Variants in ITGA8 observed in about 807,000 individuals in gnomAD.
ITGA8 encodes the protein integrin alpha-8.
ITGA8 carries 91 observed loss-of-function variants against 142.3 expected under a neutral mutation model. That is an observed-to-expected ratio of 0.64 (90% CI 0.54 to 0.76). The LOEUF is 0.76. Among genes scored for constraint, ITGA8 ranks in the 30% least tolerant of loss-of-function variants. The probability of loss-of-function intolerance (pLI) is 0.00; values close to 1 mark genes in which losing one functional copy is unlikely to be tolerated. For missense variants in ITGA8, 1,406 were observed against 1,327.7 expected, an observed-to-expected ratio of 1.06 and a Z score of -0.92; for synonymous variants, 505 against 485.2, an observed-to-expected ratio of 1.04 and a Z score of -0.54.
intron 20 of ITGA8, among the ~76,000 whole-genome samples, chr10:15,602,753 A>G (rs995531575): frequency 3.3e-5 from 5 of 151,820 alleles, no homozygotes; most frequent in Non-Finnish European, 7.4e-5. Flanking sequence ...AAAAAATACA[A>G]GAAAGAAGAA....
intron 6 of ITGA8, among the ~76,000 whole-genome samples, chr10:15,676,309 A>G (rs1834629650): frequency 6.6e-6 from 1 of 152,220 alleles, no homozygotes; most frequent in Non-Finnish European, 1.5e-5. Flanking sequence ...AGCAAGAATT[A>G]GAAGACGTAA....
intron 25 of ITGA8, among the ~76,000 whole-genome samples, chr10:15,565,381 C>A (rs1588647637): frequency 6.7e-6 from 1 of 148,620 alleles, no homozygotes; most frequent in African/African-American, 2.5e-5. Context: ...TTGTTTTGTT[C>A]TGTTTTTTTC....
chr10:15,638,859 G>A (rs1224161909), intron 13 of ITGA8, among the ~76,000 whole-genome samples: 3 of 152,286 alleles, frequency 2.0e-5, no homozygotes, highest in African/African-American at 4.8e-5. Context: ...GGGCACAGTG[G>A]CTCATGTCTG....
chr10:15,585,341 A>G (rs1332162317), intron 23 of ITGA8, among the ~76,000 whole-genome samples: 1 of 152,204 alleles, frequency 6.6e-6, no homozygotes, highest in Non-Finnish European at 1.5e-5. Flanking sequence ...CTGTACAAGG[A>G]GGATACTAGT....
At chr10:15,619,879 G>T (rs1484657006) in intron 13 of ITGA8, among the ~76,000 whole-genome samples, 1 of 152,212 alleles carries the variant, frequency 6.6e-6, no homozygotes, top group Non-Finnish European at 1.5e-5. Flanking sequence ...TATGAAAACT[G>T]ATTCACGATG....
rs45482999 is a variant in ITGA8, at chr10:15,711,956, T to C, written c.343+6810A>G. On this transcript the variant is annotated intron_variant, in intron 2 of 29. Transcript: ENST00000378076. ...CATCTAGTGACATTCATCTAAGAGTTGCTCACCTGAATTCTATAGCAGTCC... is the reference window on the plus strand; with the variant it reads ...CATCTAGTGACATTCATCTAAGAGTCGCTCACCTGAATTCTATAGCAGTCC... Among the ~76,000 whole-genome samples the C allele has an allele frequency of 4.2e-3, 647 of 152,314 alleles. 2 individuals are homozygous for C. The highest frequency in any genetic ancestry group is 6.2e-3 in the Non-Finnish European group (420 of 68,024).
chr10:15,715,370 T>C (rs1197106722), intron 2 of ITGA8, among the ~76,000 whole-genome samples: 1 of 152,122 alleles, frequency 6.6e-6, no homozygotes, highest in Non-Finnish European at 1.5e-5. Flanking sequence ...AAGGCAAATA[T>C]AGCCTTCCAA....
intron 27 of ITGA8, among the ~76,000 whole-genome samples, chr10:15,543,853 G>C (rs1181327332): frequency 6.6e-6 from 1 of 152,180 alleles, no homozygotes; most frequent in Non-Finnish European, 1.5e-5. Context: ...ACTGGGATTA[G>C]GGTGGGCTCT....
At chr10:15,559,998 ATAT>A (rs1833946630) in intron 25 of ITGA8, among the ~76,000 whole-genome samples, 1 of 151,912 alleles carries the variant, frequency 6.6e-6, no homozygotes. Context: ...ATTTAAAAAG[ATAT>A]TATGAGCCAG....
chr10:15,710,474 T>G (rs1162442562), intron 2 of ITGA8, among the ~76,000 whole-genome samples: 1 of 152,234 alleles, frequency 6.6e-6, no homozygotes, highest in South Asian at 2.1e-4. Context: ...TTCTGAAACA[T>G]GTATCCTGGT....
intron 25 of ITGA8, among the ~76,000 whole-genome samples, chr10:15,570,797 C>G (rs1786915655): frequency 6.6e-6 from 1 of 151,942 alleles, no homozygotes; most frequent in Non-Finnish European, 1.5e-5. Context: ...GTACATTAAA[C>G]CAGTTACATA....
chr10:15,524,796 C>A (rs2131534814), intron 28 of ITGA8, among the ~76,000 whole-genome samples: 1 of 152,204 alleles, frequency 6.6e-6, no homozygotes, highest in Admixed American at 6.5e-5. Flanking sequence ...AAAGCTTGGG[C>A]AGGAAAGAAA....
At chr10:15,646,002 T>C (rs1399018767) in intron 12 of ITGA8, among the ~76,000 whole-genome samples, 2 of 152,220 alleles carry the variant, frequency 1.3e-5, no homozygotes, top group East Asian at 3.8e-4. Context: ...CCATGTAGGC[T>C]GATCAGAAGT....
At position 15,555,821 on chromosome 10, in the gene ITGA8, G is replaced by A. The variant is rs574376988; in HGVS notation, c.2766+2253C>T. 4.6e-5 allele frequency among the ~76,000 whole-genome samples: 7 copies of A among 151,054 alleles called. No homozygotes were observed. In the East Asian group the frequency reaches 1.4e-3, roughly 30 times the overall value. The stretch of plus-strand genomic sequence containing the variant: ...CGCCATTCTCCTGCCTCAGCCTCCC[G>A]AGGAGCTGGGACTACAGGCACCCAC... On this transcript the variant is annotated intron_variant, in intron 26 of 29. Coordinates refer to ENST00000378076, the MANE Select transcript of ITGA8 (RefSeq NM_003638.3).
intron 25 of ITGA8, among the ~76,000 whole-genome samples, chr10:15,562,890 C>T (rs116253793): frequency 7.2e-5 from 11 of 152,014 alleles, no homozygotes; most frequent in Non-Finnish European, 1.3e-4. Context: ...AATCTCATGT[C>T]GAGTTTTAAT....
At chr10:15,671,548 A>T in intron 8 of ITGA8, 55 bp downstream of exon 8, 2 of 1,462,966 alleles carry the variant, frequency 1.4e-6, no homozygotes, top group South Asian at 2.3e-5. Context: ...TTTATATGCC[A>T]TTTTACCATT....
chr10:15,627,058 C>A (rs7912597), intron 13 of ITGA8, among the ~76,000 whole-genome samples: 2 of 151,856 alleles, frequency 1.3e-5, no homozygotes, highest in East Asian at 1.9e-4. Flanking sequence ...AGCCAGGTCC[C>A]ACCCTAACTG....
intron 23 of ITGA8, among the ~76,000 whole-genome samples, chr10:15,578,675 T>A (rs1834344087): frequency 6.6e-6 from 1 of 152,128 alleles, no homozygotes; most frequent in South Asian, 2.1e-4. Context: ...TATGGAACAG[T>A]CTTAACTGTA....
intron 8 of ITGA8, among the ~76,000 whole-genome samples, chr10:15,663,658 T>C (rs551833129): frequency 2.4e-4 from 36 of 152,186 alleles, no homozygotes; most frequent in Admixed American, 2.0e-4. Context: ...AACCTTGACC[T>C]CACAGGGTCA....
Sources: allele counts gnomAD v4.1 joint callset (sites outside exome capture counted in the v4.1 genomes callset), GRCh38; gene constraint gnomAD v4.1.1; transcripts MANE v1.5; gene names NCBI Gene and HGNC (gene_info 2026-07-23, HGNC 2026-07-21).